KCND3: variants seen among roughly 807,000 people sequenced by gnomAD.
KCND3 encodes potassium voltage-gated channel subfamily D member 3, also known as A-type voltage-gated potassium channel KCND3.
KCND3 carries 9 observed loss-of-function variants against 51.1 expected under a neutral mutation model. The observed-to-expected ratio is 0.18, with a 90% confidence interval of 0.11 to 0.31. The LOEUF is 0.31. KCND3 is among the 10% of genes least tolerant of loss of function. KCND3 has a pLI of 1.00. For synonymous variants in KCND3, 349 were observed against 368.0 expected (o/e 0.95, Z 0.59); for missense variants, 526 against 903.8 (o/e 0.58, Z 5.36).
intron 2 of KCND3, among the ~76,000 whole-genome samples, chr1:111,890,798 G>GA (rs1292143802): frequency 6.6e-6 from 1 of 152,156 alleles, no homozygotes; most frequent in Admixed American, 6.5e-5. Context: ...GAAGCCTGGA[G>GA]AAAAAATCAG....
In KCND3 at chr1:111,982,676, G is replaced by C. The variant is rs748795678; in HGVS notation, c.51C>G (p.Ile17Met). The C allele has an allele frequency of 6.2e-7, 1 of 1,610,974 alleles. No homozygotes were observed. The highest frequency in any genetic ancestry group is 8.5e-7 in the Non-Finnish European group (1 of 1,179,782). ...GGCAGTTGGCCACCGGCATCCACCCGATGGCCGCAGCCCGGGCAAAAGGCA... is the reference window on the plus strand; with the variant it reads ...GGCAGTTGGCCACCGGCATCCACCCCATGGCCGCAGCCCGGGCAAAAGGCA... ...AWLPFARAAA[I>M]GWMPVANCPM... is the part of the protein sequence containing the mutation. The change falls in exon 2 of 8, where the codon ATC (isoleucine) becomes ATG (methionine). Residue 17 changes from isoleucine to methionine, a missense_variant. Physicochemically the swap from Ile to Met is conservative, Grantham distance 10. Around this residue, in one of 5 missense-constraint regions of KCND3, gnomAD observed 159 missense variants for 262.8 expected, o/e 0.61. Transcript: ENST00000302127. The surrounding 1 kb of genome is among the most constrained non-coding windows in gnomAD (Gnocchi z 8.5).
intron 2 of KCND3, among the ~76,000 whole-genome samples, chr1:111,883,070 C>T (rs776615838): frequency 2.0e-5 from 3 of 152,206 alleles, no homozygotes; most frequent in Non-Finnish European, 2.9e-5. Context: ...GTAATAATGG[C>T]TTCCCATTGC....
At chr1:111,864,138 G>A (rs1668453226) in intron 2 of KCND3, among the ~76,000 whole-genome samples, 1 of 152,094 alleles carries the variant, frequency 6.6e-6, no homozygotes, top group South Asian at 2.1e-4. Flanking sequence ...GGGGCTAGAT[G>A]TGGTGGAGGG....
chr1:111,897,592 G>A (rs1670183600), intron 2 of KCND3, among the ~76,000 whole-genome samples: 1 of 152,216 alleles, frequency 6.6e-6, no homozygotes, highest in African/African-American at 2.4e-5. Context: ...GCCTATGTGG[G>A]GCCAGGTAGG....
intron 2 of KCND3, among the ~76,000 whole-genome samples, chr1:111,813,882 T>C (rs965082173): frequency 6.6e-6 from 1 of 152,190 alleles, no homozygotes; most frequent in African/African-American, 2.4e-5. Context: ...AATCATAGTA[T>C]TCAATGAGCT....
intron 2 of KCND3, chr1:111,910,130 C>G (rs981848875): frequency 6.6e-5 from 10 of 152,196 alleles, no homozygotes; most frequent in Non-Finnish European, 1.2e-4. Context: ...TAGGTGGGAG[C>G]AAGCCATTGC....
chr1:111,897,520 C>T (rs377507843), intron 2 of KCND3, among the ~76,000 whole-genome samples: 5 of 152,204 alleles, frequency 3.3e-5, no homozygotes, highest in East Asian at 1.9e-4. Context: ...CGGTGTGTGG[C>T]GCCCTGTGAA....
chr1:111,942,786 G>A (rs918835292), intron 2 of KCND3, among the ~76,000 whole-genome samples: 5 of 152,198 alleles, frequency 3.3e-5, no homozygotes, highest in African/African-American at 1.2e-4. Flanking sequence ...TTTAAGTCAG[G>A]AAGGAACTAT....
chr1:111,960,865 C>G (rs1673612142), intron 2 of KCND3, among the ~76,000 whole-genome samples: 1 of 151,996 alleles, frequency 6.6e-6, no homozygotes, highest in African/African-American at 2.4e-5. Context: ...ATCAGGAGAC[C>G]GAGGGAGGCC....
At chr1:111,976,559 G>A (rs1325587654) in intron 2 of KCND3, among the ~76,000 whole-genome samples, 1 of 152,216 alleles carries the variant, frequency 6.6e-6, no homozygotes, top group Non-Finnish European at 1.5e-5. Flanking sequence ...TCTGTGTAAG[G>A]CATGAATCAT....
chr1:111,911,016 T>C (rs1670918711), intron 2 of KCND3: 1 of 152,226 alleles, frequency 6.6e-6, no homozygotes, highest in Admixed American at 6.5e-5. Flanking sequence ...AAGAGATAAT[T>C]CTGGCCCCCT....
At position 111,776,145 on chromosome 1, in the gene KCND3, C is replaced by T; in HGVS notation, c.1900G>A (p.Ala634Thr). 2 of 1,614,220 alleles carry T rather than the reference C, an allele frequency of 1.2e-6. No individual in the cohort carries two copies. Residue 634 changes from alanine (A) to threonine (T), a missense_variant, in exon 8 of 8, where the codon GCC becomes ACC. Transcript: ENST00000302127. ...TPEGESRPPP[A>T]SPGPNTNIPS... Reference sequence around the variant, plus strand: ...ATGTTCGTGTTGGGGCCTGGGCTGGCAGGGGGTGGCCGACTTTCCCCCTCT... The same window carrying T: ...ATGTTCGTGTTGGGGCCTGGGCTGGTAGGGGGTGGCCGACTTTCCCCCTCT...
chr1:111,815,672 T>G (rs981001636), intron 2 of KCND3, among the ~76,000 whole-genome samples: 3 of 151,750 alleles, frequency 2.0e-5, no homozygotes, highest in African/African-American at 7.3e-5. Flanking sequence ...AATTCGCACT[T>G]CTTGTTACAT....
chr1:111,945,460 G>T (rs1183596969), intron 2 of KCND3, among the ~76,000 whole-genome samples: 1 of 152,112 alleles, frequency 6.6e-6, no homozygotes, highest in Non-Finnish European at 1.5e-5. Flanking sequence ...TACATCTATG[G>T]CCTACCCCCA....
At chr1:111,857,392 C>T (rs1052474473) in intron 2 of KCND3, among the ~76,000 whole-genome samples, 3 of 152,136 alleles carry the variant, frequency 2.0e-5, no homozygotes, top group African/African-American at 4.8e-5. Flanking sequence ...GGGGACAGGA[C>T]GAAGTGTTCC....
At chr1:111,805,811 T>A (rs1020280225) in intron 2 of KCND3, among the ~76,000 whole-genome samples, 2 of 152,170 alleles carry the variant, frequency 1.3e-5, no homozygotes, top group African/African-American at 4.8e-5. Context: ...GGCAGCAACC[T>A]GCATGTGGGG....
intron 2 of KCND3, among the ~76,000 whole-genome samples, chr1:111,810,135 G>A (rs1395854509): frequency 6.6e-6 from 1 of 152,236 alleles, no homozygotes; most frequent in African/African-American, 2.4e-5. Flanking sequence ...AGGGGTCAGT[G>A]TGTGAGGGGC....
intron 2 of KCND3, among the ~76,000 whole-genome samples, chr1:111,809,623 T>C (rs1389789056): frequency 6.6e-6 from 1 of 152,094 alleles, no homozygotes; most frequent in Non-Finnish European, 1.5e-5. Flanking sequence ...ATTATTTTTC[T>C]AGACTTGGAA....
chr1:111,915,466 C>T (rs985131157), intron 2 of KCND3, among the ~76,000 whole-genome samples: 1 of 151,920 alleles, frequency 6.6e-6, no homozygotes, highest in Non-Finnish European at 1.5e-5. Flanking sequence ...CAAAACAAAA[C>T]TGGAGGCCGG....
Sources: gnomAD v4.1 joint callset for allele counts (sites outside exome capture counted in the v4.1 genomes callset) on GRCh38, gnomAD v4.1.1 for gene constraint, gnomAD v4.1.1 regional missense constraint, Gnocchi (gnomAD v3.1) non-coding constraint, MANE v1.5 for transcripts, NCBI Gene and HGNC (gene_info 2026-07-23, HGNC 2026-07-21) for gene names.